The following DDX10 variants were observed in gnomAD, a reference collection of about 807,000 sequenced individuals.
DDX10 encodes the protein probable ATP-dependent RNA helicase DDX10.
A neutral mutation model predicts 104.3 loss-of-function variants in DDX10; 74 were observed. The observed-to-expected ratio is 0.71, with a 90% CI of 0.59 to 0.86. DDX10 has a LOEUF of 0.86. Among genes scored for constraint, DDX10 ranks in the 40% least tolerant of loss-of-function variants. The pLI, the probability that DDX10 is intolerant of heterozygous loss-of-function variation, is 0.00. For missense variants in DDX10, 952 were observed against 1,040.0 expected (o/e 0.92, Z 1.16); for synonymous variants, 351 against 353.4 (o/e 0.99, Z 0.08).
chr11:108,918,596 C>T (rs1340613271), intron 17 of DDX10: 2 of 151,916 alleles, frequency 1.3e-5, no homozygotes, highest in Non-Finnish European at 2.9e-5. Flanking sequence ...TGAGACCAGC[C>T]TGATCAACAA....
chr11:108,865,998 G>A (rs1460308825), intron 16 of DDX10, among the ~76,000 whole-genome samples: 1 of 152,144 alleles, frequency 6.6e-6, no homozygotes, highest in African/African-American at 2.4e-5. Context: ...TAATTCCATG[G>A]GGAGTTTAAG....
chr11:108,806,841 A>G (rs775741175), intron 13 of DDX10, among the ~76,000 whole-genome samples: 2 of 152,204 alleles, frequency 1.3e-5, no homozygotes, highest in Non-Finnish European at 2.9e-5. Context: ...TGATCTAGCA[A>G]TAGAAGGCCG....
chr11:108,715,842 G>A (rs2094290602), intron 10 of DDX10, 37 bp from the exon 11 acceptor site: 1 of 1,083,956 alleles, frequency 9.2e-7, no homozygotes. Context: ...CCAAATTTGA[G>A]ATATCTTATT....
chr11:108,856,279 A>ATTTGT (rs1441379098), intron 16 of DDX10, among the ~76,000 whole-genome samples: 1 of 152,090 alleles, frequency 6.6e-6, no homozygotes, highest in Admixed American at 6.5e-5. Context: ...AAAATACAGA[A>ATTTGT]ATTAGCCAGG....
Position 108,841,457 on chromosome 11 carries a change from A to G in DDX10, c.2228A>G (p.Lys743Arg), listed in dbSNP as rs140674676. Residue 743 changes from lysine (K) to arginine (R), a missense_variant, in exon 15 of 18, where the codon AAA (lysine) becomes AGA (arginine). Lys to Arg is a conservative substitution (Grantham distance 26, BLOSUM62 2). Around this residue, in one of 3 missense-constraint regions of DDX10, gnomAD observed 533 missense variants for 534.1 expected, o/e 1.00. Transcript: ENST00000322536. ...DKFDKEEYRK[K>R]IKAKHREKRL... ...TTTGACAAAGAAGAATATAGGAAAAAAATTAAGGCAAAGCATCGGGTAAGC... is the reference window on the plus strand; with the variant it reads ...TTTGACAAAGAAGAATATAGGAAAAGAATTAAGGCAAAGCATCGGGTAAGC... The G allele has an allele frequency of 6.8e-6, 11 of 1,613,762 alleles. No homozygotes were observed. In the African/African-American group the frequency reaches 1.1e-4, roughly 16 times the overall value.
chr11:108,871,735 C>T (rs35430545), intron 16 of DDX10, among the ~76,000 whole-genome samples: 21,922 of 152,104 alleles, frequency 0.14, 1,637 homozygotes, highest in East Asian at 0.25. Context: ...CTGAGACCAG[C>T]CTGACCAACA....
chr11:108,805,696 G>A (rs1425815015), intron 13 of DDX10, among the ~76,000 whole-genome samples: 1 of 152,058 alleles, frequency 6.6e-6, no homozygotes, highest in Admixed American at 6.5e-5. Flanking sequence ...TTGGATATAG[G>A]TTAAAATCAG....
intron 16 of DDX10, among the ~76,000 whole-genome samples, chr11:108,863,159 TA>T (rs1862962480): frequency 6.6e-6 from 1 of 152,210 alleles, no homozygotes; most frequent in African/African-American, 2.4e-5. Context: ...TTAGCCTCTG[TA>T]ACGTACCTGG....
At chr11:108,696,187 T>C (rs956629645) in intron 9 of DDX10, among the ~76,000 whole-genome samples, 1 of 151,516 alleles carries the variant, frequency 6.6e-6, no homozygotes, top group Non-Finnish European at 1.5e-5. Context: ...TTCTGTTTTG[T>C]TTTTTTTGAG....
At chr11:108,707,844 G>A (rs1404709794) in intron 10 of DDX10, among the ~76,000 whole-genome samples, 1 of 152,098 alleles carries the variant, frequency 6.6e-6, no homozygotes, top group African/African-American at 2.4e-5. Context: ...TCCTACTTAA[G>A]TCTTATAACT....
chr11:108,677,445 G>A (rs373168535), intron 4 of DDX10, among the ~76,000 whole-genome samples: 3 of 151,464 alleles, frequency 2.0e-5, no homozygotes, highest in Admixed American at 1.3e-4. Flanking sequence ...ATTTTTTTTT[G>A]TCGGGGAATC....
intron 17 of DDX10, chr11:108,919,212 G>A (rs1279087411): frequency 6.6e-6 from 1 of 152,166 alleles, no homozygotes; most frequent in Non-Finnish European, 1.5e-5. Flanking sequence ...ACAACTAGGT[G>A]GTTGAACATA....
intron 14 of DDX10, among the ~76,000 whole-genome samples, chr11:108,839,917 A>T (rs542438537): frequency 1.6e-4 from 24 of 152,224 alleles, no homozygotes; most frequent in Middle Eastern, 3.2e-3. Context: ...AACTGCATAA[A>T]TTATACCAAT....
intron 16 of DDX10, among the ~76,000 whole-genome samples, chr11:108,892,996 A>G (rs540416941): frequency 1.8e-4 from 28 of 152,246 alleles, no homozygotes; most frequent in African/African-American, 6.7e-4. Context: ...TTAGAATCTT[A>G]TATGTGAAAT....
chr11:108,851,486 T>A (rs983200979), intron 15 of DDX10, among the ~76,000 whole-genome samples: 5 of 152,162 alleles, frequency 3.3e-5, no homozygotes, highest in African/African-American at 1.2e-4. Flanking sequence ...TTATTTTAAT[T>A]TCGTGGCAGA....
At chr11:108,766,512 T>C (rs1347803325) in intron 13 of DDX10, among the ~76,000 whole-genome samples, 1 of 152,226 alleles carries the variant, frequency 6.6e-6, no homozygotes, top group Non-Finnish European at 1.5e-5. Flanking sequence ...CTATTAAACA[T>C]ATATAGAACA....
At chr11:108,939,660 A>T (rs1864080788) in intron 17 of DDX10, among the ~76,000 whole-genome samples, 1 of 152,126 alleles carries the variant, frequency 6.6e-6, no homozygotes, top group Admixed American at 6.5e-5. Flanking sequence ...CTATGTCTTG[A>T]GTATGTACTT....
chr11:108,668,646 C>T lies in DDX10; in HGVS notation c.186+3307C>T, dbSNP rs559355378. Among the ~76,000 whole-genome samples the T allele has an allele frequency of 5.9e-5, 9 of 152,208 alleles. No individual in the cohort carries two copies. The East Asian group carries it at 1.7e-3, about 29-fold the overall frequency. On this transcript the variant is annotated intron_variant, in intron 1 of 17. Transcript: ENST00000322536. ...GGTGCTCAGTAGCCTCACTGGTGAA[C>T]TACTGAACAATTTGATTCCGAAACC...
chr11:108,732,342 T>C (rs1225139756), intron 13 of DDX10, among the ~76,000 whole-genome samples: 1 of 152,252 alleles, frequency 6.6e-6, no homozygotes. Flanking sequence ...TTTGTGATGC[T>C]AAGTCACATT....
Sources: allele counts gnomAD v4.1 joint callset (sites outside exome capture counted in the v4.1 genomes callset), GRCh38; gene constraint gnomAD v4.1.1; regional missense constraint gnomAD v4.1.1; transcripts MANE v1.5; gene names NCBI Gene and HGNC (gene_info 2026-07-23, HGNC 2026-07-21).